The following PRPF19 variants were observed in gnomAD, a reference collection of about 807,000 sequenced individuals.
PRPF19 encodes the protein pre-mRNA processing factor 19.
PRPF19 carries 2 observed loss-of-function variants against 64.2 expected under a neutral mutation model. That is an observed-to-expected ratio of 0.03 (90% CI 0.01 to 0.10). The LOEUF (loss-of-function observed/expected upper bound fraction) is 0.10, where lower values mean the gene tolerates loss of function less well. Ranked by LOEUF, PRPF19 falls within the 10% of genes least tolerant of loss-of-function variation. The pLI is 1.00. For missense variants in PRPF19, 314 were observed against 650.0 expected, an observed-to-expected ratio of 0.48 and a Z score of 5.62; for synonymous variants, 226 against 251.6, an observed-to-expected ratio of 0.90 and a Z score of 0.96.
At position 60,898,326 on chromosome 11, in the gene PRPF19, A is replaced by G; in HGVS notation, c.1141-55T>C. ...CACCCACAGATCATGAGAGGAAGAA[A>G]ATGGGGCTCACCAAACTCCTACCTG... On this transcript the variant is annotated intron_variant, in intron 13 of 15. Transcript: ENST00000227524. The surrounding 1 kb of genome is among the most constrained non-coding windows in gnomAD (Gnocchi z 4.6). 6.3e-7 allele frequency: 1 copy of G among 1,584,768 alleles called. No homozygotes were observed. Among genetic ancestry groups the G allele is most frequent in the Non-Finnish European group, 8.6e-7 (1 of 1,165,510 alleles).
chr11:60,901,233 C>T (rs944244514), intron 8 of PRPF19, 62 bp downstream of exon 8: 44 of 1,570,092 alleles, frequency 2.8e-5, no homozygotes, highest in Middle Eastern at 2.2e-4. Context: ...CATGCTGGCC[C>T]GCCCACCCCA....
intron 15 of PRPF19, chr11:60,897,489 A>C: frequency 5.1e-6 from 1 of 197,470 alleles, no homozygotes; most frequent in Non-Finnish European, 1.0e-5. Context: ...ACCCTTCTGC[A>C]GATCTAATAT....
rs1855942236 is a variant in PRPF19, at chr11:60,898,093, G to A, written c.1311+8C>T. 1 of 1,612,968 alleles carries A rather than the reference G, an allele frequency of 6.2e-7. No homozygotes were observed. The highest frequency in any genetic ancestry group is 8.5e-7 in the Non-Finnish European group (1 of 1,179,216). On this transcript the variant is annotated splice_region_variant and intron_variant, in intron 14 of 15. Transcript: ENST00000227524. This position sits in a 1 kb window ranked among gnomAD's most constrained non-coding sequence, Gnocchi z 4.6. ...AATGGAAAGCTGGGCGGAGGGGGAA[G>A]GGCACACCTCAAAGTTGTTATCCAG...
rs11426757 is a variant in PRPF19, at chr11:60,890,600, AG to A, written c.*565del. ...GCTGTGCAATTAAAAAAAAAAAAAA[AG>A]GGTAAGAGCTGTGAAAGGAAAGGAA... On this transcript the variant is annotated 3_prime_UTR_variant, in exon 16 of 16. Coordinates refer to ENST00000227524, the MANE Select transcript of PRPF19 (RefSeq NM_014502.5). 3.4e-6 allele frequency: 1 copy of A among 297,858 alleles called. No individual in the cohort carries two copies. The highest frequency in any genetic ancestry group is 8.8e-5 in the East Asian group (1 of 11,410). The allele number at this position is 297,858 out of a possible 1,614,324, so 18.5% of individuals were successfully genotyped here.
intron 7 of PRPF19, 42 bp downstream of exon 7, chr11:60,901,457 A>C: frequency 6.2e-7 from 1 of 1,614,178 alleles, no homozygotes; most frequent in African/African-American, 1.3e-5. Flanking sequence ...ACCGCCTCCC[A>C]CCAGGCCAGC....
At position 60,902,325 on chromosome 11, in the gene PRPF19, T is replaced by G. The variant is rs1855991316; in HGVS notation, c.525+78A>C. The G allele has an allele frequency of 6.7e-7, 1 of 1,493,098 alleles. No individual in the cohort carries two copies. Among genetic ancestry groups the G allele is most frequent in the East Asian group, 2.3e-5 (1 of 44,196 alleles). The allele number at this position is 1,493,098 out of a possible 1,614,324, so 92.5% of individuals were successfully genotyped here. On this transcript the variant is annotated intron_variant, in intron 6 of 15. Coordinates refer to ENST00000227524, the MANE Select transcript of PRPF19 (RefSeq NM_014502.5). The surrounding 1 kb of genome is among the most constrained non-coding windows in gnomAD (Gnocchi z 5.0). ...CTCAACTCCCAAAAGCACAGTGATT[T>G]TAGTCACGATGGACTCCAGACAGAT...
Position 60,906,490 on chromosome 11 carries a change from C to G in PRPF19, c.-108G>C, listed in dbSNP as rs1856050209. 1.6e-6 allele frequency: 2 copies of G among 1,258,096 alleles called. No homozygotes were observed. The highest frequency in any genetic ancestry group is 3.0e-5 in the African/African-American group (2 of 66,200). 77.9% of individuals were successfully genotyped at this position (1,258,096 alleles called of 1,614,324 possible). On this transcript the variant is annotated 5_prime_UTR_variant, in exon 1 of 16. Coordinates refer to ENST00000227524, the MANE Select transcript of PRPF19 (RefSeq NM_014502.5). Reference sequence around the variant, plus strand: ...CGCTGCTGCCGGGACTGCTCCGCGGCGAGCTGGGAGCCGCCAGCCGAGCGA... The same window carrying G: ...CGCTGCTGCCGGGACTGCTCCGCGGGGAGCTGGGAGCCGCCAGCCGAGCGA...
Position 60,890,739 on chromosome 11 carries a change from T to A in PRPF19, c.*427A>T, listed in dbSNP as rs1360334092. The A allele has an allele frequency of 2.2e-6, 1 of 456,866 alleles. No homozygotes were observed. The highest frequency in any genetic ancestry group is 6.9e-5 in the East Asian group (1 of 14,430). The allele number at this position is 456,866 out of a possible 1,614,324, so 28.3% of individuals were successfully genotyped here. ...GGGGAGGTGGTTATGGTTATTGTTT[T>A]CTTTTTTTAATGAAACTAGATCACT... On this transcript the variant is annotated 3_prime_UTR_variant, in exon 16 of 16. Coordinates refer to ENST00000227524, the MANE Select transcript of PRPF19 (RefSeq NM_014502.5).
chr11:60,906,316 C>A (rs1856045960), intron 1 of PRPF19, 48 bp downstream of exon 1: 8 of 1,575,622 alleles, frequency 5.1e-6, no homozygotes, highest in Non-Finnish European at 6.9e-6. Flanking sequence ...GCTCCCGCGC[C>A]GCTCTCTGGC....
At chr11:60,893,636 A>AT (rs1191538111) in intron 15 of PRPF19, among the ~76,000 whole-genome samples, 2 of 152,022 alleles carry the variant, frequency 1.3e-5, no homozygotes, top group Non-Finnish European at 1.5e-5. Context: ...AGGCACACAA[A>AT]TTTTTTTGGT....
At position 60,902,077 on chromosome 11, in the gene PRPF19, T is replaced by A. The variant is rs576403226; in HGVS notation, c.525+326A>T. On this transcript the variant is annotated intron_variant, in intron 6 of 15. Transcript: ENST00000227524. This position sits in a 1 kb window ranked among gnomAD's most constrained non-coding sequence, Gnocchi z 5.0. ...AAAGTAGTTTACTATCTGCAAAGAA[T>A]CTCAATAACAATAAGAGCTAAAAGG... Among the ~76,000 whole-genome samples, 6 of 152,330 alleles carry A rather than the reference T, an allele frequency of 3.9e-5. No homozygotes were observed. The South Asian group carries it at 1.2e-3, about 32-fold the overall frequency.
intron 2 of PRPF19, 78 bp from the exon 3 acceptor site, chr11:60,903,613 A>C: frequency 6.3e-7 from 1 of 1,591,168 alleles, no homozygotes; most frequent in Non-Finnish European, 8.6e-7. Flanking sequence ...TTTTAGCCAT[A>C]AACAGCCCAC....
Position 60,901,367 on chromosome 11 carries a change from T to C in PRPF19, c.570A>G (p.Arg190=). ...CCAGCTCCTCAGGCACAGTCTTCCCTCTCTGAGAAAATGAAAAGCCCCCAA... is the reference window on the plus strand; with the variant it reads ...CCAGCTCCTCAGGCACAGTCTTCCCCCTCTGAGAAAATGAAAAGCCCCCAA... The part of the protein sequence containing the change: ...ATVLTTERKK[R]GKTVPEELVK... Residue 190 remains arginine, a splice_region_variant and synonymous_variant, in exon 8 of 16, where the codon AGA becomes AGG. Coordinates refer to ENST00000227524, the MANE Select transcript of PRPF19 (RefSeq NM_014502.5). 6.2e-7 allele frequency: 1 copy of C among 1,614,158 alleles called. No individual in the cohort carries two copies. The highest frequency in any genetic ancestry group is 8.5e-7 in the Non-Finnish European group (1 of 1,180,032).
Position 60,906,470 on chromosome 11 carries a change from C to T in PRPF19, c.-88G>A. The T allele has an allele frequency of 7.2e-7, 1 of 1,383,380 alleles. No individual in the cohort carries two copies. The highest frequency in any genetic ancestry group is 9.9e-7 in the Non-Finnish European group (1 of 1,010,650). The allele number at this position is 1,383,380 out of a possible 1,614,324, so 85.7% of individuals were successfully genotyped here. A position where few individuals can be genotyped will look rare whatever the true frequency, so the allele number is the denominator to read the frequency against. On this transcript the variant is annotated 5_prime_UTR_variant, in exon 1 of 16. Transcript: ENST00000227524. ...GCGAGCCACTTCCGGTCCCCCGCTG[C>T]TGCCGGGACTGCTCCGCGGCGAGCT...
chr11:60,898,665 C>T lies in PRPF19; in HGVS notation c.1055-39G>A. 6.2e-7 allele frequency: 1 copy of T among 1,613,402 alleles called. No homozygotes were observed. Among genetic ancestry groups the T allele is most frequent in the Non-Finnish European group, 8.5e-7 (1 of 1,179,676 alleles). On this transcript the variant is annotated intron_variant, in intron 12 of 15. Coordinates refer to ENST00000227524, the MANE Select transcript of PRPF19 (RefSeq NM_014502.5). The surrounding 1 kb of genome is among the most constrained non-coding windows in gnomAD (Gnocchi z 4.6). ...AAGAGAGACCTGTGGTCAGAGCCCA[C>T]CAGGGAGAGAGACTAAGAGCAGCAA...
intron 1 of PRPF19, among the ~76,000 whole-genome samples, chr11:60,905,180 G>C (rs900723743): frequency 1.3e-5 from 2 of 152,158 alleles, no homozygotes; most frequent in Non-Finnish European, 1.5e-5. Flanking sequence ...TCTTGCCTGC[G>C]TAGACTGTGC....
Position 60,899,225 on chromosome 11 carries a change from C to T in PRPF19, c.908G>A (p.Arg303Gln), listed in dbSNP as rs1354313581. 6 of 1,613,932 alleles carry T rather than the reference C, an allele frequency of 3.7e-6. No individual in the cohort carries two copies. Among genetic ancestry groups the T allele is most frequent in the African/African-American group, 1.3e-5 (1 of 74,896 alleles). The stretch of plus-strand genomic sequence containing the variant: ...GCCTGTCACAGCACTCTCATGGGCC[C>T]GAACCACCTGTACACAAGAGGCATT... ...VPNASCVQVV[R>Q]AHESAVTGLS... is the part of the protein sequence containing the mutation. The change falls in exon 11 of 16, where the codon CGG becomes CAG. Residue 303 changes from arginine (R) to glutamine (Q), a missense_variant. By Grantham distance (43) the Arg-to-Gln change is conservative. Transcript: ENST00000227524.
chr11:60,891,978 T>C (rs1855865779), intron 15 of PRPF19, among the ~76,000 whole-genome samples: 1 of 152,216 alleles, frequency 6.6e-6, no homozygotes, highest in African/African-American at 2.4e-5. Context: ...CACAACCTGC[T>C]AATGAGGACG....
rs140263447 is a variant in PRPF19, at chr11:60,901,449, C to T, written c.567+50G>A. 7.3e-4 allele frequency: 1,185 copies of T among 1,613,870 alleles called. 3 individuals are homozygous for T. In the African/African-American group the frequency reaches 0.014, roughly 19 times the overall value. On this transcript the variant is annotated intron_variant, in intron 7 of 15. Coordinates refer to ENST00000227524, the MANE Select transcript of PRPF19 (RefSeq NM_014502.5). ...GCCCTCTCTCTCCTAAGGAGTCAACCGCCTCCCACCAGGCCAGCTCTTTCT... is the reference window on the plus strand; with the variant it reads ...GCCCTCTCTCTCCTAAGGAGTCAACTGCCTCCCACCAGGCCAGCTCTTTCT...
Sources: gnomAD v4.1 joint callset for allele counts (sites outside exome capture counted in the v4.1 genomes callset) on GRCh38, gnomAD v4.1.1 for gene constraint, Gnocchi (gnomAD v3.1) non-coding constraint, MANE v1.5 for transcripts, NCBI Gene and HGNC (gene_info 2026-07-23, HGNC 2026-07-21) for gene names.